PLEKHA5: variants seen among roughly 807,000 people sequenced by gnomAD.
PLEKHA5 encodes the protein pleckstrin homology domain-containing family A member 5.
In PLEKHA5, 55 loss-of-function variants were observed where a neutral mutation model predicts 181.9. That is an observed-to-expected ratio of 0.30 (90% CI 0.24 to 0.38). The LOEUF (loss-of-function observed/expected upper bound fraction) is 0.38. Ranked by LOEUF, PLEKHA5 falls within the 10% of genes least tolerant of loss-of-function variation. The pLI is 1.00. For synonymous variants in PLEKHA5, 535 were observed against 529.4 expected (o/e 1.01, Z -0.15); for missense variants, 1,432 against 1,549.5 (o/e 0.92, Z 1.27).
chr12:19,307,655 G>T, intron 15 of PLEKHA5: 2 of 331,984 alleles, frequency 6.0e-6, no homozygotes, highest in Non-Finnish European at 1.2e-5. Flanking sequence ...GTCAGTCTAG[G>T]AGTCGTTGAT....
chr12:19,306,822 A>C (rs3748273), intron 15 of PLEKHA5: 3 of 812,390 alleles, frequency 3.7e-6, no homozygotes, highest in Admixed American at 1.7e-5. Flanking sequence ...TCTGACAAAC[A>C]CTGTATTCCT....
At chr12:19,324,467 G>A (rs948554815) in intron 20 of PLEKHA5, among the ~76,000 whole-genome samples, 3 of 152,106 alleles carry the variant, frequency 2.0e-5, no homozygotes, top group African/African-American at 7.2e-5. Flanking sequence ...TGATTGAGCT[G>A]AATGACTTAC....
intron 3 of PLEKHA5, among the ~76,000 whole-genome samples, chr12:19,167,319 A>AT (rs985295502): frequency 6.6e-6 from 1 of 150,708 alleles, no homozygotes; most frequent in Non-Finnish European, 1.5e-5. Flanking sequence ...CGCTTGTTTG[A>AT]TTTAGGAACC....
Position 19,270,171 on chromosome 12 carries a change from G to C in PLEKHA5, c.828-17G>C. The C allele has an allele frequency of 7.0e-7, 1 of 1,430,360 alleles. No individual in the cohort carries two copies. Among genetic ancestry groups the C allele is most frequent in the South Asian group, 1.4e-5 (1 of 72,986 alleles). The allele number at this position is 1,430,360 out of a possible 1,614,324, so 88.6% of individuals were successfully genotyped here. A position where few individuals can be genotyped will look rare whatever the true frequency, so the allele number is the denominator to read the frequency against. On this transcript the variant is annotated splice_polypyrimidine_tract_variant and intron_variant, in intron 9 of 31. Transcript: ENST00000429027. ...CAGAATCCTAACATTCAAACTGAAT[G>C]TTCTTTCTTCTTACAGAATTACCTT...
intron 5 of PLEKHA5, among the ~76,000 whole-genome samples, chr12:19,256,818 T>G (rs1166177653): frequency 6.6e-6 from 1 of 152,164 alleles, no homozygotes; most frequent in Non-Finnish European, 1.5e-5. Context: ...CATAGCAGTA[T>G]TTTTAAAGAC....
chr12:19,353,915 A>G lies in PLEKHA5; in HGVS notation c.3051A>G (p.Pro1017=), dbSNP rs1433093983. The stretch of plus-strand genomic sequence containing the variant: ...ACTTTCCTGTTGGAGTAGTCCCTCC[A>G]AGAGCAAAATCACCAACACCCGAAT... ...GSHFPVGVVP[P]RAKSPTPESS... is the part of the protein sequence containing the mutation. Residue 1017 remains proline, a synonymous_variant, in exon 26 of 32, where the codon CCA becomes CCG. Transcript: ENST00000429027. The G allele has an allele frequency of 6.2e-7, 1 of 1,608,846 alleles. No individual in the cohort carries two copies. Among genetic ancestry groups the G allele is most frequent in the East Asian group, 2.2e-5 (1 of 44,818 alleles).
chr12:19,371,005 CTTT>C (rs34940438), intron 31 of PLEKHA5: 6 of 139,218 alleles, frequency 4.3e-5, no homozygotes, highest in Non-Finnish European at 6.2e-5. Context: ...ATTTTCTCTC[CTTT>C]TTTTTTTTTT....
At chr12:19,332,803 A>T (rs566361573) in intron 20 of PLEKHA5, among the ~76,000 whole-genome samples, 1 of 152,022 alleles carries the variant, frequency 6.6e-6, no homozygotes. Flanking sequence ...GGGACTACAG[A>T]CATGCGCCAC....
chr12:19,141,239 T>C (rs1217196816), intron 3 of PLEKHA5, among the ~76,000 whole-genome samples: 1 of 152,212 alleles, frequency 6.6e-6, no homozygotes, highest in Non-Finnish European at 1.5e-5. Context: ...TACACCCGTT[T>C]AGCTTTTTAA....
chr12:19,292,394 C>T (rs1282996358), intron 15 of PLEKHA5, among the ~76,000 whole-genome samples: 2 of 151,888 alleles, frequency 1.3e-5, no homozygotes, highest in East Asian at 3.9e-4. Flanking sequence ...GGCTACAGCG[C>T]AAGACTCTGT....
intron 15 of PLEKHA5, among the ~76,000 whole-genome samples, chr12:19,298,265 T>G (rs2152894051): frequency 6.6e-6 from 1 of 152,152 alleles, no homozygotes; most frequent in Non-Finnish European, 1.5e-5. Flanking sequence ...GGATATGAAA[T>G]AATAATAATG....
chr12:19,334,484 T>C (rs1213516330), intron 20 of PLEKHA5, among the ~76,000 whole-genome samples: 1 of 152,126 alleles, frequency 6.6e-6, no homozygotes, highest in African/African-American at 2.4e-5. Context: ...TACCCTGAAC[T>C]CTGCATTTCC....
At chr12:19,331,409 G>A (rs982468268) in intron 20 of PLEKHA5, among the ~76,000 whole-genome samples, 9 of 152,100 alleles carry the variant, frequency 5.9e-5, no homozygotes, top group Middle Eastern at 3.4e-3. Flanking sequence ...TCCCTATGTT[G>A]CCCAGGCTGG....
chr12:19,232,510 T>C (rs2060783730), intron 3 of PLEKHA5, among the ~76,000 whole-genome samples: 1 of 152,130 alleles, frequency 6.6e-6, no homozygotes, highest in South Asian at 2.1e-4. Context: ...GAGGGGTAAC[T>C]CGTCATTGAT....
intron 13 of PLEKHA5, among the ~76,000 whole-genome samples, chr12:19,288,379 A>G (rs915106838): frequency 2.0e-5 from 3 of 152,330 alleles, no homozygotes; most frequent in African/African-American, 7.2e-5. Flanking sequence ...TTAATTGGAA[A>G]GGAGTTACAT....
At chr12:19,245,599 G>T (rs1264032029) in intron 3 of PLEKHA5, among the ~76,000 whole-genome samples, 3 of 151,706 alleles carry the variant, frequency 2.0e-5, no homozygotes, top group Non-Finnish European at 2.9e-5. Flanking sequence ...GTGGTGGCAG[G>T]CGCCTGTAAT....
At chr12:19,328,558 A>AGTGTGTGT (rs56041821) in intron 20 of PLEKHA5, among the ~76,000 whole-genome samples, 147 of 141,796 alleles carry the variant, frequency 1.0e-3, no homozygotes, top group South Asian at 5.0e-3. Context: ...CTTTCCTAGG[A>AGTGTGTGT]GTGTGTGTGT....
chr12:19,260,979 C>T lies in PLEKHA5; in HGVS notation c.568C>T (p.Arg190Cys). The stretch of plus-strand genomic sequence containing the variant: ...TACTGGCATGAAATTGTGGAAGAAA[C>T]GCTGGTTTGTGCTTTCTGACCTTTG... ...DSTGMKLWKK[R>C]WFVLSDLCLF... Residue 190 changes from arginine (R) to cysteine (C), a missense_variant, in exon 7 of 32, where the codon CGC (arginine) becomes TGC (cysteine). Coordinates refer to ENST00000429027, the MANE Select transcript of PLEKHA5 (RefSeq NM_001256470.2). 1.2e-6 allele frequency: 2 copies of T among 1,600,340 alleles called. No homozygotes were observed. Among genetic ancestry groups the T allele is most frequent in the South Asian group, 1.1e-5 (1 of 88,250 alleles).
chr12:19,347,118 T>A lies in PLEKHA5; in HGVS notation c.2834T>A (p.Val945Asp). The A allele has an allele frequency of 6.4e-7, 1 of 1,550,492 alleles. No individual in the cohort carries two copies. Among genetic ancestry groups the A allele is most frequent in the Non-Finnish European group, 8.7e-7 (1 of 1,146,056 alleles). Residue 945 changes from valine to aspartate, a missense_variant, in exon 24 of 32, where the codon GTT (valine) becomes GAT (aspartate). By Grantham distance (152) the Val-to-Asp change is radical. This residue lies in a region of PLEKHA5 where 1,143 missense variants were observed against 1,168.4 expected (regional missense o/e 0.98). Coordinates refer to ENST00000429027, the MANE Select transcript of PLEKHA5 (RefSeq NM_001256470.2). ...SSLLCYSRGP[V>D]HLPEEKKMYQ... ...TTGCTCTGTTATAGCAGGGGCCCAGTTCATCTGCCTGAAGAAAAGAAGATG... is the reference window on the plus strand; with the variant it reads ...TTGCTCTGTTATAGCAGGGGCCCAGATCATCTGCCTGAAGAAAAGAAGATG...
Sources: allele counts gnomAD v4.1 joint callset (sites outside exome capture counted in the v4.1 genomes callset), GRCh38; gene constraint gnomAD v4.1.1; regional missense constraint gnomAD v4.1.1; transcripts MANE v1.5; gene names NCBI Gene and HGNC (gene_info 2026-07-23, HGNC 2026-07-21).